The following TIE1 variants were observed in gnomAD, a reference collection of about 807,000 sequenced individuals.
TIE1 encodes tyrosine kinase with immunoglobulin like and EGF like domains 1, also known as tyrosine-protein kinase receptor Tie-1.
TIE1 carries 89 observed loss-of-function variants against 130.5 expected under a neutral mutation model. The ratio of observed to expected loss-of-function variants is 0.68; its 90% CI spans 0.57 to 0.81. The LOEUF (loss-of-function observed/expected upper bound fraction) is 0.81. Among genes scored for constraint, TIE1 ranks in the 40% least tolerant of loss-of-function variants. TIE1 has a pLI of 0.00. For missense variants in TIE1, 1,392 were observed against 1,559.8 expected, an observed-to-expected ratio of 0.89 and a Z score of 1.81; for synonymous variants, 568 against 629.4, an observed-to-expected ratio of 0.90 and a Z score of 1.46.
chr1:43,312,986 T>G lies in TIE1; in HGVS notation c.1928-149T>G. On this transcript the variant is annotated intron_variant, in intron 12 of 22. Transcript: ENST00000372476. The surrounding 1 kb of genome is among the most constrained non-coding windows in gnomAD (Gnocchi z 5.6). ...AGTGGCCTGGGGGAATGGAGAGGAA[T>G]TCAGTCTGGTGGGGAGGAGGAAGTT... 1 of 896,008 alleles carries G rather than the reference T, an allele frequency of 1.1e-6. No individual in the cohort carries two copies. 55.5% of individuals were successfully genotyped at this position (896,008 alleles called of 1,614,324 possible). A position where few individuals can be genotyped will look rare whatever the true frequency, so the allele number is the denominator to read the frequency against.
intron 14 of TIE1, chr1:43,314,327 G>A: frequency 9.0e-7 from 1 of 1,116,438 alleles, no homozygotes; most frequent in Non-Finnish European, 1.1e-6. Flanking sequence ...GGCCTAGATA[G>A]CAAGGTGATC....
In TIE1 at chr1:43,306,864, G is replaced by A; in HGVS notation, c.509G>A (p.Trp170Ter). Residue 170 changes from tryptophan (W) to a stop codon, truncating the protein, a stop_gained, in exon 4 of 23, where the codon TGG becomes TAG. Coordinates refer to ENST00000372476, the MANE Select transcript of TIE1 (RefSeq NM_005424.5). LOFTEE classifies it high-confidence loss of function. The surrounding 1 kb of genome is among the most constrained non-coding windows in gnomAD (Gnocchi z 4.9). ...GGATCCTACTTCTACACCCTGGACT[G>A]GCATGAAGCCCAGGATGGGCGGTTC... ...SNGSYFYTLDWHEAQDGRFLL... is the reference protein window; with the variant it reads ...SNGSYFYTLD 2 of 1,613,600 alleles carry A rather than the reference G, an allele frequency of 1.2e-6. No individual in the cohort carries two copies. Among genetic ancestry groups the A allele is most frequent in the Non-Finnish European group, 1.7e-6 (2 of 1,179,806 alleles).
Position 43,307,940 on chromosome 1 carries a change from C to T in TIE1, c.1042+16C>T. 6.2e-7 allele frequency: 1 copy of T among 1,613,174 alleles called. No homozygotes were observed. The highest frequency in any genetic ancestry group is 8.5e-7 in the Non-Finnish European group (1 of 1,179,242). On this transcript the variant is annotated intron_variant, in intron 7 of 22. Coordinates refer to ENST00000372476, the MANE Select transcript of TIE1 (RefSeq NM_005424.5). This position sits in a 1 kb window ranked among gnomAD's most constrained non-coding sequence, Gnocchi z 5.4. ...GAGAAGTCAGGTATAAGCACTATGA[C>T]CTCTGAGAGCCCCCCAAGATAAGTC...
Position 43,306,716 on chromosome 1 carries a change from T to C in TIE1, c.485-124T>C. On this transcript the variant is annotated intron_variant, in intron 3 of 22. Transcript: ENST00000372476. This position sits in a 1 kb window ranked among gnomAD's most constrained non-coding sequence, Gnocchi z 4.9. The stretch of plus-strand genomic sequence containing the variant: ...CTGGCGTGGGCATAGGCTCTCGTGG[T>C]GCCGGCCCTAGGTCTCATCACTGTG... The C allele has an allele frequency of 7.8e-7, 1 of 1,282,810 alleles. No individual in the cohort carries two copies. The allele number at this position is 1,282,810 out of a possible 1,614,324, so 79.5% of individuals were successfully genotyped here. A position where few individuals can be genotyped will look rare whatever the true frequency, so the allele number is the denominator to read the frequency against.
At position 43,309,395 on chromosome 1, in the gene TIE1, A is replaced by G; in HGVS notation, c.1196A>G (p.Lys399Arg). 1.3e-6 allele frequency: 2 copies of G among 1,592,512 alleles called. No individual in the cohort carries two copies. The highest frequency in any genetic ancestry group is 8.5e-7 in the Non-Finnish European group (1 of 1,171,382). Reference protein sequence around the residue: ...KPDGTVLLSTKAIVEPEKTTA... With the variant: ...KPDGTVLLSTRAIVEPEKTTA... ...TTCCCCCATCTCTTTTAGTCCACCA[A>G]GGCCATTGTGGAGCCAGAGAAGACC... is the stretch of plus-strand genomic sequence containing the variant. Residue 399 changes from lysine to arginine, a missense_variant, in exon 9 of 23, where the codon AAG becomes AGG. Lys to Arg is a conservative substitution (Grantham distance 26). This residue lies in a region of TIE1 where 551 missense variants were observed against 565.5 expected (regional missense o/e 0.97). Transcript: ENST00000372476. This position sits in a 1 kb window ranked among gnomAD's most constrained non-coding sequence, Gnocchi z 6.3.
chr1:43,302,144 G>A (rs963637879), intron 1 of TIE1, among the ~76,000 whole-genome samples: 8 of 152,270 alleles, frequency 5.3e-5, no homozygotes, highest in African/African-American at 9.6e-5. Flanking sequence ...GTTGTTCACT[G>A]GACAAACATT....
Position 43,307,649 on chromosome 1 carries a change from C to A in TIE1, c.913+77C>A, listed in dbSNP as rs1394293760. 2 of 1,607,894 alleles carry A rather than the reference C, an allele frequency of 1.2e-6. No homozygotes were observed. On this transcript the variant is annotated intron_variant, in intron 6 of 22. Coordinates refer to ENST00000372476, the MANE Select transcript of TIE1 (RefSeq NM_005424.5). The surrounding 1 kb of genome is among the most constrained non-coding windows in gnomAD (Gnocchi z 5.4). The stretch of plus-strand genomic sequence containing the variant: ...TTGACCCGGACCCTCCACTCTGCCT[C>A]TGACTTACGCAGCAAGCCCTCCTGC...
chr1:43,307,999 G>C lies in TIE1; in HGVS notation c.1042+75G>C, dbSNP rs1303940558. The stretch of plus-strand genomic sequence containing the variant: ...CCAAACACATCTCCCCGGTGGAAGA[G>C]AGTAGTCCCTCCTTTCCCTACGAGG... On this transcript the variant is annotated intron_variant, in intron 7 of 22. Coordinates refer to ENST00000372476, the MANE Select transcript of TIE1 (RefSeq NM_005424.5). This position sits in a 1 kb window ranked among gnomAD's most constrained non-coding sequence, Gnocchi z 5.4. 4.4e-6 allele frequency: 7 copies of C among 1,585,554 alleles called. No homozygotes were observed. The South Asian group carries it at 5.7e-5, about 13-fold the overall frequency.
At chr1:43,314,008 C>T (rs1473165403) in intron 14 of TIE1, 40 bp downstream of exon 14, 1 of 1,605,766 alleles carries the variant, frequency 6.2e-7, no homozygotes, top group African/African-American at 1.3e-5. Flanking sequence ...TGCTTGCAGC[C>T]CGTGTTTATG....
Position 43,321,639 on chromosome 1 carries a change from G to A in TIE1, c.3269G>A (p.Trp1090Ter). Residue 1090 changes from tryptophan to a stop codon, truncating the protein, a stop_gained, in exon 22 of 23, where the codon TGG (tryptophan) becomes TAG (stop). Transcript: ENST00000372476. LOFTEE classifies it high-confidence loss of function. ...DEVYELMRQC[W>*]RDRPYERPPF... The stretch of plus-strand genomic sequence containing the variant: ...AGGTACGAGCTGATGCGTCAGTGCT[G>A]GCGGGACCGTCCCTATGAGCGACCC... The A allele has an allele frequency of 6.4e-7, 1 of 1,553,734 alleles. No individual in the cohort carries two copies. Among genetic ancestry groups the A allele is most frequent in the South Asian group, 1.2e-5 (1 of 84,276 alleles).
chr1:43,305,428 C>G, intron 3 of TIE1, 85 bp downstream of exon 3: 1 of 1,323,900 alleles, frequency 7.6e-7, no homozygotes, highest in Admixed American at 2.8e-5. Flanking sequence ...GGACCCTCAG[C>G]TTTGGCCCCT....
rs573575317 is a variant in TIE1, at chr1:43,306,579, G to A, written c.485-261G>A. Among the ~76,000 whole-genome samples, 1 of 152,282 alleles carries A rather than the reference G, an allele frequency of 6.6e-6. No homozygotes were observed. The highest frequency in any genetic ancestry group is 2.4e-5 in the African/African-American group (1 of 41,552). The stretch of plus-strand genomic sequence containing the variant: ...GCTAGGACCAGGGCAGTGGCAGTGG[G>A]TGTGGGGAGAAGCGGACTGGGTTAG... On this transcript the variant is annotated intron_variant, in intron 3 of 22. Coordinates refer to ENST00000372476, the MANE Select transcript of TIE1 (RefSeq NM_005424.5). The surrounding 1 kb of genome is among the most constrained non-coding windows in gnomAD (Gnocchi z 4.9).
In TIE1 at chr1:43,317,124, G is replaced by A. The variant is rs1009600416; in HGVS notation, c.2410-75G>A. 7 of 1,483,544 alleles carry A rather than the reference G, an allele frequency of 4.7e-6. No individual in the cohort carries two copies. In the African/African-American group the frequency reaches 9.7e-5, roughly 20 times the overall value. The allele number at this position is 1,483,544 out of a possible 1,614,324, so 91.9% of individuals were successfully genotyped here. Reference sequence around the variant, plus strand: ...TTGTCTGACACTGAAACCTCCTCGTGTGCCTGTCTGTGCCTCCTTCCGCCC... The same window carrying A: ...TTGTCTGACACTGAAACCTCCTCGTATGCCTGTCTGTGCCTCCTTCCGCCC... On this transcript the variant is annotated intron_variant, in intron 14 of 22. Transcript: ENST00000372476. The surrounding 1 kb of genome is among the most constrained non-coding windows in gnomAD (Gnocchi z 5.1).
chr1:43,305,052 A>G lies in TIE1; in HGVS notation c.260A>G (p.Gln87Arg), dbSNP rs1553122800. Residue 87 changes from glutamine to arginine, a missense_variant, in exon 2 of 23, where the codon CAG (glutamine) becomes CGG (arginine). Physicochemically the swap from Gln to Arg is conservative, Grantham distance 43. Coordinates refer to ENST00000372476, the MANE Select transcript of TIE1 (RefSeq NM_005424.5). ...CGCCTGGCGCGCAACGGTTCGCACC[A>G]GGTCACGCTTCGCGGCTTCTCCAAG... ...PLRLARNGSH[Q>R]VTLRGFSKPS... The G allele has an allele frequency of 6.9e-6, 11 of 1,605,444 alleles. No individual in the cohort carries two copies. Among genetic ancestry groups the G allele is most frequent in the Non-Finnish European group, 5.1e-6 (6 of 1,174,990 alleles).
chr1:43,322,901 T>TGAGACACCTACAAAGCA lies in TIE1; in HGVS notation c.*179_*180insGAGACACCTACAAAGCA. ...CTTAGGGGAACTGGGTTCCCATGCT[T>TGAGACACCTACAAAGCA]TGTAGGTGTCTCATAGCTATCCTGG... On this transcript the variant is annotated 3_prime_UTR_variant, in exon 23 of 23. Coordinates refer to ENST00000372476, the MANE Select transcript of TIE1 (RefSeq NM_005424.5). This position sits in a 1 kb window ranked among gnomAD's most constrained non-coding sequence, Gnocchi z 4.0. The TGAGACACCTACAAAGCA allele has an allele frequency of 1.7e-6, 1 of 594,144 alleles. No homozygotes were observed. The highest frequency in any genetic ancestry group is 1.9e-5 in the African/African-American group (1 of 53,794). The allele number at this position is 594,144 out of a possible 1,614,324, so 36.8% of individuals were successfully genotyped here.
rs1375479345 is a variant in TIE1 at position 43,312,628 on chromosome 1, G to C, written c.1927+27G>C. On this transcript the variant is annotated intron_variant, in intron 12 of 22. Transcript: ENST00000372476. The surrounding 1 kb of genome is among the most constrained non-coding windows in gnomAD (Gnocchi z 5.6). ...TATGTGCAAGGCGCAAGGATAGCTG[G>C]GGGTTGGGGGAGGACGTGGGACACA... The C allele has an allele frequency of 6.4e-7, 1 of 1,566,818 alleles. No homozygotes were observed. The highest frequency in any genetic ancestry group is 8.7e-7 in the Non-Finnish European group (1 of 1,154,300).
Position 43,300,985 on chromosome 1 carries a change from C to T in TIE1, c.-87C>T. On this transcript the variant is annotated 5_prime_UTR_variant, in exon 1 of 23. Coordinates refer to ENST00000372476, the MANE Select transcript of TIE1 (RefSeq NM_005424.5). ...TCTTCCTCCCCAGCACCGACCCACA[C>T]TGACCAACACAGGCTGAGCAGTCAG... 2.1e-6 allele frequency: 3 copies of T among 1,436,344 alleles called. No individual in the cohort carries two copies. The highest frequency in any genetic ancestry group is 2.9e-6 in the Non-Finnish European group (3 of 1,041,990). 89.0% of individuals were successfully genotyped at this position (1,436,344 alleles called of 1,614,324 possible).
At chr1:43,321,032 CAAAA>C (rs752698629) in intron 19 of TIE1, among the ~76,000 whole-genome samples, 2 of 97,370 alleles carry the variant, frequency 2.1e-5, no homozygotes, top group African/African-American at 4.7e-5. Context: ...GACCCTGTCT[CAAAA>C]AAAAAAAAAA....
At chr1:43,303,061 C>A (rs900684154) in intron 1 of TIE1, among the ~76,000 whole-genome samples, 6 of 152,148 alleles carry the variant, frequency 3.9e-5, no homozygotes, top group Non-Finnish European at 8.8e-5. Flanking sequence ...ATAATAACAT[C>A]CACCTCCCAG....
Sources: allele counts gnomAD v4.1 joint callset (sites outside exome capture counted in the v4.1 genomes callset), GRCh38; gene constraint gnomAD v4.1.1; regional missense constraint gnomAD v4.1.1; non-coding constraint Gnocchi (gnomAD v3.1); transcripts MANE v1.5; gene names NCBI Gene and HGNC (gene_info 2026-07-23, HGNC 2026-07-21).